RABGAP1L: variants seen among roughly 807,000 people sequenced by gnomAD.
RABGAP1L encodes the protein rab GTPase-activating protein 1-like.
In RABGAP1L, 63 loss-of-function variants were observed where a neutral mutation model predicts 137.7. The observed-to-expected ratio is 0.46, with a 90% CI of 0.37 to 0.56. The LOEUF (loss-of-function observed/expected upper bound fraction) is 0.56. Ranked by LOEUF, RABGAP1L falls within the 20% of genes least tolerant of loss-of-function variation. The pLI is 0.00. For synonymous variants in RABGAP1L, 431 were observed against 433.7 expected (o/e 0.99, Z 0.08); for missense variants, 1,095 against 1,244.0 (o/e 0.88, Z 1.80).
chr1:174,770,069 TC>T (rs1238175592), intron 18 of RABGAP1L, among the ~76,000 whole-genome samples: 1 of 152,190 alleles, frequency 6.6e-6, no homozygotes, highest in African/African-American at 2.4e-5. Context: ...ATGAAACAAC[TC>T]ATAAACTTTT....
intron 13 of RABGAP1L, among the ~76,000 whole-genome samples, chr1:174,414,114 TATAAC>T (rs1650264739): frequency 6.6e-6 from 1 of 152,194 alleles, no homozygotes; most frequent in Admixed American, 6.5e-5. Flanking sequence ...GGCAGTAAAT[TATAAC>T]AGACTAGTAG....
chr1:174,448,622 C>A lies in RABGAP1L; in HGVS notation c.1710+54477C>A, dbSNP rs1399977412. On this transcript the variant is annotated intron_variant, in intron 13 of 25. Coordinates refer to ENST00000681986, the MANE Select transcript of RABGAP1L (RefSeq NM_001366446.1). This position sits in a 1 kb window ranked among gnomAD's most constrained non-coding sequence, Gnocchi z 4.2. Reference sequence around the variant, plus strand: ...TATTTTGATCTGGATCTACTCCTGCCTAATTTTCTTGCCTTCCTTTTTTGG... The same window carrying A: ...TATTTTGATCTGGATCTACTCCTGCATAATTTTCTTGCCTTCCTTTTTTGG... 1.2e-6 allele frequency: 2 copies of A among 1,613,790 alleles called. No individual in the cohort carries two copies.
intron 19 of RABGAP1L, among the ~76,000 whole-genome samples, chr1:174,889,969 G>A (rs1655849318): frequency 6.6e-6 from 1 of 152,026 alleles, no homozygotes; most frequent in Admixed American, 6.6e-5. Context: ...TGAACTGCTG[G>A]GCTCAAGTGA....
chr1:174,573,217 TAC>T (rs1007140878), intron 13 of RABGAP1L, among the ~76,000 whole-genome samples: 2 of 146,332 alleles, frequency 1.4e-5, no homozygotes, highest in Admixed American at 6.8e-5. Context: ...GTGACATATA[TAC>T]ACACTATATA....
intron 19 of RABGAP1L, among the ~76,000 whole-genome samples, chr1:174,822,907 T>C (rs1691190820): frequency 6.6e-6 from 1 of 152,228 alleles, no homozygotes; most frequent in African/African-American, 2.4e-5. Context: ...GGCAGTTCAT[T>C]AAAAAGAAAG....
intron 13 of RABGAP1L, among the ~76,000 whole-genome samples, chr1:174,586,849 GC>G (rs1041194892): frequency 6.6e-6 from 1 of 152,046 alleles, no homozygotes; most frequent in Admixed American, 6.6e-5. Context: ...ATCTGCTTTG[GC>G]CCCCCAAAGT....
chr1:174,720,907 T>G (rs947414233), intron 17 of RABGAP1L, among the ~76,000 whole-genome samples: 1 of 152,160 alleles, frequency 6.6e-6, no homozygotes, highest in African/African-American at 2.4e-5. Flanking sequence ...AGAACAAATT[T>G]TATGGTGTTT....
chr1:174,458,776 A>G (rs895990199), intron 13 of RABGAP1L, among the ~76,000 whole-genome samples: 1 of 152,092 alleles, frequency 6.6e-6, no homozygotes, highest in Non-Finnish European at 1.5e-5. Context: ...TTAACATTGG[A>G]TGTAGTCTTC....
At chr1:174,551,986 T>C (rs1666576284) in intron 13 of RABGAP1L, among the ~76,000 whole-genome samples, 1 of 152,098 alleles carries the variant, frequency 6.6e-6, no homozygotes, top group South Asian at 2.1e-4. Flanking sequence ...CAAGGTGAAA[T>C]AGACAATCTG....
chr1:174,636,917 A>G (rs1212615641), intron 13 of RABGAP1L, among the ~76,000 whole-genome samples: 2 of 152,218 alleles, frequency 1.3e-5, no homozygotes, highest in East Asian at 3.8e-4. Context: ...AAAAAATGCA[A>G]AGAAGATGGT....
Position 174,994,516 on chromosome 1 carries a change from C to A in RABGAP1L, c.*4515C>A, listed in dbSNP as rs1398876227. 1 of 152,174 alleles carries A rather than the reference C, an allele frequency of 6.6e-6. No homozygotes were observed. The highest frequency in any genetic ancestry group is 2.4e-5 in the African/African-American group (1 of 41,434). 9.4% of individuals were successfully genotyped at this position (152,174 alleles called of 1,614,324 possible). A position where few individuals can be genotyped will look rare whatever the true frequency, so the allele number is the denominator to read the frequency against. ...GAAAGTGAACATTTTAAGTTATTTTCCTTTTTCATTGGCAATTAGTTAACA... is the reference window on the plus strand; with the variant it reads ...GAAAGTGAACATTTTAAGTTATTTTACTTTTTCATTGGCAATTAGTTAACA... On this transcript the variant is annotated 3_prime_UTR_variant, in exon 26 of 26. Transcript: ENST00000681986.
intron 18 of RABGAP1L, among the ~76,000 whole-genome samples, chr1:174,799,591 CTGAT>C (rs1256330612): frequency 6.6e-6 from 1 of 152,062 alleles, no homozygotes; most frequent in East Asian, 1.9e-4. Flanking sequence ...CAGACTAACA[CTGAT>C]TGAAGGTAGA....
intron 14 of RABGAP1L, among the ~76,000 whole-genome samples, chr1:174,639,251 T>C (rs1041434933): frequency 6.6e-6 from 1 of 152,114 alleles, no homozygotes; most frequent in African/African-American, 2.4e-5. Context: ...AAATCTATTT[T>C]TATATGAATG....
At chr1:174,404,773 A>G (rs559996989) in intron 13 of RABGAP1L, among the ~76,000 whole-genome samples, 1 of 152,358 alleles carries the variant, frequency 6.6e-6, no homozygotes, top group African/African-American at 2.4e-5. Context: ...TATAAACTCC[A>G]GAGAGCATTT....
chr1:174,874,351 C>G (rs1359603062), intron 19 of RABGAP1L: 3 of 422,400 alleles, frequency 7.1e-6, no homozygotes, highest in African/African-American at 4.3e-5. Context: ...CTCTCCCTCT[C>G]AATTTACATG....
rs887154944 is a variant in RABGAP1L, at chr1:174,635,237, C to T, written c.1711-2138C>T. ...GGGAATACAGTCCAACGATTTCTCT[C>T]TCTTAATGTCCTGAAAAGTACAAAA... On this transcript the variant is annotated intron_variant, in intron 13 of 25. Transcript: ENST00000681986. 2.0e-5 allele frequency among the ~76,000 whole-genome samples: 3 copies of T among 152,102 alleles called. No homozygotes were observed. The East Asian group carries it at 5.8e-4, about 29-fold the overall frequency.
At chr1:174,477,753 A>T (rs1658652628) in intron 13 of RABGAP1L, among the ~76,000 whole-genome samples, 1 of 152,168 alleles carries the variant, frequency 6.6e-6, no homozygotes. Flanking sequence ...TTAAGAGGAT[A>T]TTGACATTTA....
chr1:174,504,998 AAGG>A (rs1661684425), intron 13 of RABGAP1L, among the ~76,000 whole-genome samples: 1 of 152,216 alleles, frequency 6.6e-6, no homozygotes, highest in South Asian at 2.1e-4. Flanking sequence ...CAAAATATAT[AAGG>A]AATCAATTCA....
chr1:174,268,269 G>A (rs1483990173), intron 7 of RABGAP1L, among the ~76,000 whole-genome samples: 1 of 149,452 alleles, frequency 6.7e-6, no homozygotes, highest in African/African-American at 2.5e-5. Flanking sequence ...GTGCAATCTC[G>A]GCTCACTGTA....
Sources: gnomAD v4.1 joint callset for allele counts (sites outside exome capture counted in the v4.1 genomes callset) on GRCh38, gnomAD v4.1.1 for gene constraint, Gnocchi (gnomAD v3.1) non-coding constraint, MANE v1.5 for transcripts, NCBI Gene and HGNC (gene_info 2026-07-23, HGNC 2026-07-21) for gene names.